The following PTTG1IP variants were observed in gnomAD, a reference collection of about 807,000 sequenced individuals.
PTTG1IP encodes the protein pituitary tumor-transforming gene 1 protein-interacting protein.
PTTG1IP carries 16 observed loss-of-function variants against 24.4 expected under a neutral mutation model. The observed-to-expected ratio is 0.66, with a 90% CI of 0.44 to 1.00. The LOEUF (loss-of-function observed/expected upper bound fraction) is 1.00, where lower values mean the gene tolerates loss of function less well. Among genes scored for constraint, PTTG1IP ranks in the 50% least tolerant of loss-of-function variants. PTTG1IP has a pLI of 0.00. For synonymous variants in PTTG1IP, 89 were observed against 96.8 expected (o/e 0.92, Z 0.47); for missense variants, 241 against 245.8 (o/e 0.98, Z 0.13).
chr21:44,865,313 C>A lies in PTTG1IP; in HGVS notation c.168+82G>T, dbSNP rs1314181238. 10 of 1,404,940 alleles carry A rather than the reference C, an allele frequency of 7.1e-6. No individual in the cohort carries two copies. In the African/African-American group the frequency reaches 1.3e-4, roughly 18 times the overall value. The allele number at this position is 1,404,940 out of a possible 1,614,324, so 87.0% of individuals were successfully genotyped here. On this transcript the variant is annotated intron_variant, in intron 2 of 5. Transcript: ENST00000330938. ...CAACAGAGCCCTCCACACATCCCAG[C>A]GAATCCCTGGACCTAGAGAAAGCCC...
intron 3 of PTTG1IP, among the ~76,000 whole-genome samples, chr21:44,859,491 G>A (rs1477409552): frequency 6.6e-6 from 1 of 152,246 alleles, no homozygotes; most frequent in African/African-American, 2.4e-5. Context: ...GCACACATGT[G>A]TGCATTATGT....
Position 44,851,072 on chromosome 21 carries a change from CGT to C in PTTG1IP, c.*507_*508del, listed in dbSNP as rs2083406661. The C allele has an allele frequency of 3.0e-6, 1 of 335,904 alleles. No homozygotes were observed. The highest frequency in any genetic ancestry group is 5.5e-6 in the Non-Finnish European group (1 of 180,904). The allele number at this position is 335,904 out of a possible 1,614,324, so 20.8% of individuals were successfully genotyped here. A position where few individuals can be genotyped will look rare whatever the true frequency, so the allele number is the denominator to read the frequency against. ...GGAGCCCCGTGTCATCAGCAAAAGCCGTGTGAGTCAACAGGTGTGAAGACTCA... is the reference window on the plus strand; with the variant it reads ...GGAGCCCCGTGTCATCAGCAAAAGCCGTGAGTCAACAGGTGTGAAGACTCA... On this transcript the variant is annotated 3_prime_UTR_variant, in exon 6 of 6. Transcript: ENST00000330938.
rs767712471 is a variant in PTTG1IP at position 44,861,139 on chromosome 21, C to T, written c.277+24G>A. The T allele has an allele frequency of 3.8e-6, 6 of 1,588,448 alleles. No homozygotes were observed. The Admixed American group carries it at 6.9e-5, about 18-fold the overall frequency. ...TTCAAAGAAGCATCGATTTTGCAAG[C>T]AGCAAATGAAAACAATGACTTACCC... On this transcript the variant is annotated intron_variant, in intron 3 of 5. Transcript: ENST00000330938.
intron 3 of PTTG1IP, among the ~76,000 whole-genome samples, chr21:44,860,234 T>C (rs1257110689): frequency 2.0e-5 from 3 of 152,070 alleles, no homozygotes. Flanking sequence ...CCGGACGTGG[T>C]GGCGGGCACC....
intron 5 of PTTG1IP, among the ~76,000 whole-genome samples, chr21:44,852,720 G>A (rs560312322): frequency 6.6e-6 from 1 of 152,028 alleles, no homozygotes; most frequent in African/African-American, 2.4e-5. Flanking sequence ...CTAGCAAGGA[G>A]GCTGGTTAAG....
chr21:44,868,259 T>C (rs973417211), intron 1 of PTTG1IP, among the ~76,000 whole-genome samples: 10 of 152,206 alleles, frequency 6.6e-5, no homozygotes, highest in African/African-American at 2.4e-4. Flanking sequence ...GGAGCAACTG[T>C]GGGCTGATGG....
At chr21:44,865,660 G>A in intron 1 of PTTG1IP, 1 of 621,320 alleles carries the variant, frequency 1.6e-6, no homozygotes, top group Non-Finnish European at 2.9e-6. Flanking sequence ...GCTGCAGGCA[G>A]GGCACAAAGA....
chr21:44,872,031 C>T, intron 1 of PTTG1IP, among the ~76,000 whole-genome samples: 1 of 152,220 alleles, frequency 6.6e-6, no homozygotes, highest in Non-Finnish European at 1.5e-5. Flanking sequence ...CAGGAGGAAT[C>T]ACAGTCAAAC....
chr21:44,857,026 C>T lies in PTTG1IP; in HGVS notation c.278-662G>A, dbSNP rs1601245909. Among the ~76,000 whole-genome samples, 2 of 152,178 alleles carry T rather than the reference C, an allele frequency of 1.3e-5. 1 individual carries two copies. The highest frequency in any genetic ancestry group is 4.1e-4 in the South Asian group (2 of 4,832). ...TTTCCTTAACCAGCCTTCAGACACA[C>T]GTGCACATTTAAAACAGATCTTACT... On this transcript the variant is annotated intron_variant, in intron 3 of 5. Transcript: ENST00000330938.
At position 44,851,154 on chromosome 21, in the gene PTTG1IP, A is replaced by G; in HGVS notation, c.*427T>C. 3 of 589,354 alleles carry G rather than the reference A, an allele frequency of 5.1e-6. No individual in the cohort carries two copies. In the South Asian group the frequency reaches 7.2e-5, roughly 14 times the overall value. 36.5% of individuals were successfully genotyped at this position (589,354 alleles called of 1,614,324 possible). On this transcript the variant is annotated 3_prime_UTR_variant, in exon 6 of 6. Coordinates refer to ENST00000330938, the MANE Select transcript of PTTG1IP (RefSeq NM_004339.4). ...TTATGGGGAATGATGAGGGCTGGTC[A>G]GTTCTCCTCATGACAAAAGTCAAAC...
chr21:44,870,471 A>G (rs914135673), intron 1 of PTTG1IP, among the ~76,000 whole-genome samples: 4 of 132,130 alleles, frequency 3.0e-5, no homozygotes, highest in Middle Eastern at 5.3e-3. Context: ...GGTTGCAGTG[A>G]CCTGACATCA....
chr21:44,869,383 G>A lies in PTTG1IP; in HGVS notation c.116-3936C>T, dbSNP rs73374544. ...AGACTCTGAAGAATGTAGAGATAAA[G>A]GGTCACAATAGTAACTTACTCTCAA... On this transcript the variant is annotated intron_variant, in intron 1 of 5. Transcript: ENST00000330938. Among the ~76,000 whole-genome samples the A allele has an allele frequency of 3.2e-3, 489 of 152,318 alleles. 6 individuals are homozygous for A. The highest frequency in any genetic ancestry group is 0.011 in the African/African-American group (447 of 41,560).
intron 1 of PTTG1IP, among the ~76,000 whole-genome samples, chr21:44,868,781 T>G (rs536165553): frequency 2.0e-5 from 3 of 152,018 alleles, no homozygotes; most frequent in Non-Finnish European, 4.4e-5. Flanking sequence ...TCCCCAAAGA[T>G]GCCAAGTCCA....
At chr21:44,864,490 G>A (rs777279774) in intron 2 of PTTG1IP, among the ~76,000 whole-genome samples, 11 of 152,228 alleles carry the variant, frequency 7.2e-5, no homozygotes, top group Admixed American at 2.0e-4. Context: ...TCCGACTTCC[G>A]GTTTCAAGAA....
chr21:44,855,988 T>C (rs1029570402), intron 4 of PTTG1IP, among the ~76,000 whole-genome samples: 2 of 152,180 alleles, frequency 1.3e-5, no homozygotes, highest in African/African-American at 2.4e-5. Flanking sequence ...AGGAAGCCTA[T>C]AGAAGCAAGG....
At chr21:44,871,827 C>A (rs1319198384) in intron 1 of PTTG1IP, among the ~76,000 whole-genome samples, 1 of 152,130 alleles carries the variant, frequency 6.6e-6, no homozygotes, top group African/African-American at 2.4e-5. Flanking sequence ...CAAGGGGTCC[C>A]CAGTGAGAGA....
At chr21:44,852,825 A>G (rs948843765) in intron 5 of PTTG1IP, among the ~76,000 whole-genome samples, 24 of 152,328 alleles carry the variant, frequency 1.6e-4, no homozygotes, top group Middle Eastern at 3.4e-3. Flanking sequence ...GGTATTTTAT[A>G]TAACTGCACC....
intron 3 of PTTG1IP, among the ~76,000 whole-genome samples, chr21:44,860,463 CA>C (rs1012793557): frequency 1.7e-4 from 13 of 77,442 alleles, no homozygotes; most frequent in African/African-American, 1.3e-3. Context: ...GATACGCACA[CA>C]AAAAAAGAGG....
intron 5 of PTTG1IP, 106 bp from the exon 6 acceptor site, chr21:44,851,733 G>T (rs8127718): frequency 7.3e-7 from 1 of 1,364,480 alleles, no homozygotes; most frequent in South Asian, 1.5e-5. Flanking sequence ...TGAGGCTATA[G>T]CAACAACGGG....
Sources: gnomAD v4.1 joint callset for allele counts (sites outside exome capture counted in the v4.1 genomes callset) on GRCh38, gnomAD v4.1.1 for gene constraint, MANE v1.5 for transcripts, NCBI Gene and HGNC (gene_info 2026-07-23, HGNC 2026-07-21) for gene names.